The following HECTD4 variants were observed in gnomAD, a reference collection of about 807,000 sequenced individuals.
HECTD4 encodes probable E3 ubiquitin-protein ligase HECTD4.
HECTD4 carries 114 observed loss-of-function variants against 471.5 expected under a neutral mutation model. The observed-to-expected ratio is 0.24, with a 90% CI of 0.21 to 0.28. The LOEUF is 0.28. HECTD4 is among the 10% of genes least tolerant of loss of function. The pLI, the probability that HECTD4 is intolerant of heterozygous loss-of-function variation, is 1.00. For missense variants in HECTD4, 3,866 were observed against 5,651.5 expected, an observed-to-expected ratio of 0.68 and a Z score of 10.13; for synonymous variants, 2,012 against 2,256.0, an observed-to-expected ratio of 0.89 and a Z score of 3.07.
At chr12:112,250,100 T>C (rs531925579) in intron 25 of HECTD4, 44 bp downstream of exon 25, 1 of 1,431,350 alleles carries the variant, frequency 7.0e-7, no homozygotes, top group Admixed American at 1.9e-5. Flanking sequence ...TGTTTAAACT[T>C]TTTTTTCCCA....
intron 70 of HECTD4, among the ~76,000 whole-genome samples, chr12:112,168,126 G>A (rs919517547): frequency 2.0e-5 from 3 of 152,228 alleles, no homozygotes; most frequent in South Asian, 2.1e-4. Context: ...GGGATACCAC[G>A]GAGGGCAAGA....
Position 112,243,674 on chromosome 12 carries a change from G to A in HECTD4, c.4737C>T (p.Tyr1579=), listed in dbSNP as rs1170889862. Residue 1579 remains tyrosine (Y), a synonymous_variant, in exon 31 of 76, where the codon TAC becomes TAT. Coordinates refer to ENST00000682272, the MANE Select transcript of HECTD4 (RefSeq NM_001388303.1). This position sits in a 1 kb window ranked among gnomAD's most constrained non-coding sequence, Gnocchi z 6.6. ...AIEDSRDKPT[Y]SVLLGQLFAF... ...CAAACAGCTGCCCTAGCAGGACACT[G>A]TAGGTGGGCTTGTCCCTGCTGTCCT... 1 of 1,613,570 alleles carries A rather than the reference G, an allele frequency of 6.2e-7. No individual in the cohort carries two copies. Among genetic ancestry groups the A allele is most frequent in the Admixed American group, 1.7e-5 (1 of 59,920 alleles).
intron 53 of HECTD4, 99 bp from the exon 54 acceptor site, chr12:112,203,871 TAATAAAATAA>T (rs921595969): frequency 9.6e-6 from 6 of 622,232 alleles, no homozygotes; most frequent in African/African-American, 3.8e-5. Flanking sequence ...AAACATAAAA[TAATAAAATAA>T]AATAAAATAA....
At chr12:112,171,394 T>A (rs1343920922) in intron 67 of HECTD4, 131 bp from the exon 68 acceptor site, 1 of 1,411,508 alleles carries the variant, frequency 7.1e-7, no homozygotes, top group Non-Finnish European at 9.5e-7. Flanking sequence ...CTGGAGATGC[T>A]GTCAGTGAGT....
At position 112,195,122 on chromosome 12, in the gene HECTD4, C is replaced by T. The variant is rs565961635; in HGVS notation, c.8568-56G>A. ...AAGCCCTGATGCTCCGGCCCCCATA[C>T]CGGGACCAGGCCGCAGGTTCTGAAG... is the stretch of plus-strand genomic sequence containing the variant. On this transcript the variant is annotated intron_variant, in intron 55 of 75. Transcript: ENST00000682272. 35 of 1,475,050 alleles carry T rather than the reference C, an allele frequency of 2.4e-5. 1 individual carries two copies. The East Asian group carries it at 7.9e-4, about 33-fold the overall frequency. The allele number at this position is 1,475,050 out of a possible 1,614,324, so 91.4% of individuals were successfully genotyped here.
At chr12:112,175,899 TGCGCAC>T in intron 65 of HECTD4, 40 bp from the exon 66 acceptor site, 1 of 1,609,332 alleles carries the variant, frequency 6.2e-7, no homozygotes, top group South Asian at 1.1e-5. Flanking sequence ...TGGTGAGACC[TGCGCAC>T]ATCGCGCGCC....
rs747556052 is a variant in HECTD4, at chr12:112,163,058, G to T, written c.13104C>A (p.Pro4368=). Residue 4368 remains proline (P), a synonymous_variant, in exon 75 of 76, where the codon CCC becomes CCA. Transcript: ENST00000682272. The surrounding 1 kb of genome is among the most constrained non-coding windows in gnomAD (Gnocchi z 8.2). ...GGGCGGTACCTGCTGTGCCATCTGG[G>T]GGGGCGATCTTCATGGGGTACGGGG... The part of the protein sequence containing the change: ...HVPPYPMKIA[P]PDGTAGSPDS... 6.2e-7 allele frequency: 1 copy of T among 1,611,778 alleles called. No individual in the cohort carries two copies. The highest frequency in any genetic ancestry group is 1.7e-5 in the Admixed American group (1 of 59,934).
In HECTD4 at chr12:112,382,327, TGCCGCCGCCGCCGCCGCC is replaced by T. The variant is rs558182543; in HGVS notation, c.-217_-200del. ...ACCCCGGCCCGGGAGACCCCGGCCC[TGCCGCCGCCGCCGCCGCC>T]GCCGCCGCCGCCGCCCTCAGGAGCA... On this transcript the variant is annotated 5_prime_UTR_variant, in exon 1 of 76. Transcript: ENST00000682272. 1.5e-4 allele frequency: 54 copies of T among 356,286 alleles called. No individual in the cohort carries two copies. The highest frequency in any genetic ancestry group is 7.3e-4 in the African/African-American group (31 of 42,664). 22.1% of individuals were successfully genotyped at this position (356,286 alleles called of 1,614,324 possible).
chr12:112,234,812 G>T (rs2033462636), intron 37 of HECTD4, among the ~76,000 whole-genome samples: 1 of 152,184 alleles, frequency 6.6e-6, no homozygotes, highest in South Asian at 2.1e-4. Flanking sequence ...CGTCCACATG[G>T]CTTTAGCTCT....
At chr12:112,271,755 A>T (rs896039847) in intron 11 of HECTD4, among the ~76,000 whole-genome samples, 2 of 150,966 alleles carry the variant, frequency 1.3e-5, no homozygotes, top group Admixed American at 6.6e-5. Context: ...TGGAATTTCC[A>T]TTTTTTTTTG....
In HECTD4 at chr12:112,169,488, C is replaced by T. The variant is rs376892729; in HGVS notation, c.12208+15G>A. 2.3e-5 allele frequency: 36 copies of T among 1,598,336 alleles called. No individual in the cohort carries two copies. Among genetic ancestry groups the T allele is most frequent in the South Asian group, 7.8e-5 (7 of 89,442 alleles). On this transcript the variant is annotated intron_variant, in intron 70 of 75. Transcript: ENST00000682272. ...ACAGCTCCTCCAGCGTGGAGCCTGGCGGGCCACCACTTACTGGTGCCATGG... is the reference window on the plus strand; with the variant it reads ...ACAGCTCCTCCAGCGTGGAGCCTGGTGGGCCACCACTTACTGGTGCCATGG...
chr12:112,355,232 C>T (rs1047797308), intron 1 of HECTD4, among the ~76,000 whole-genome samples: 16 of 146,604 alleles, frequency 1.1e-4, no homozygotes, highest in African/African-American at 4.0e-4. Flanking sequence ...GCCTTGGCCT[C>T]TCAGAGTGCT....
In HECTD4 at chr12:112,256,439, CCA is replaced by C; in HGVS notation, c.3206_3207del (p.Val1069GlyfsTer11). 1.2e-6 allele frequency: 2 copies of C among 1,612,546 alleles called. No individual in the cohort carries two copies. The highest frequency in any genetic ancestry group is 1.7e-6 in the Non-Finnish European group (2 of 1,179,194). On this transcript the variant is annotated frameshift_variant, in exon 21 of 76. Coordinates refer to ENST00000682272, the MANE Select transcript of HECTD4 (RefSeq NM_001388303.1). LOFTEE classifies it high-confidence loss of function. Reference sequence around the variant, plus strand: ...TTGTCTCTGACGGGGTGGACTGTTTCCACAGTCTTTCCAGCAGCCCATGGGGC... The same window carrying C: ...TTGTCTCTGACGGGGTGGACTGTTTCCAGTCTTTCCAGCAGCCCATGGGGC... ...IPAPWAAGKTVETVHPVRDNY... is the reference protein window; with the variant it reads ...IPAPWAAGKTXETVHPVRDNY...
rs770127659 is a variant in HECTD4 at position 112,269,787 on chromosome 12, C to T, written c.2238G>A (p.Ser746=). 2.7e-5 allele frequency: 44 copies of T among 1,613,760 alleles called. No individual in the cohort carries two copies. Among genetic ancestry groups the T allele is most frequent in the African/African-American group, 1.1e-4 (8 of 74,926 alleles). ...TERNRDIIRR[S]GLLLWQLLMA... ...TCAACAACTGCCAAAGAAGCAATCC[C>T]GACCGTCGAATGATGTCTCGATTCC... The change falls in exon 13 of 76, where the codon TCG becomes TCA. Residue 746 remains serine (S), a synonymous_variant. Transcript: ENST00000682272.
intron 39 of HECTD4, 87 bp from the exon 40 acceptor site, chr12:112,230,909 A>G (rs138289519): frequency 7.8e-7 from 1 of 1,281,644 alleles, no homozygotes; most frequent in African/African-American, 1.5e-5. Flanking sequence ...ATCAGAGGAA[A>G]ACCTTTTCTT....
At chr12:112,321,953 A>G (rs1175377871) in intron 1 of HECTD4, 1 of 151,988 alleles carries the variant, frequency 6.6e-6, no homozygotes, top group Non-Finnish European at 1.5e-5. Flanking sequence ...AGAAATGGTA[A>G]GCTAGGTGGG....
chr12:112,193,448 A>C lies in HECTD4; in HGVS notation c.8955+21T>G. On this transcript the variant is annotated intron_variant, in intron 57 of 75. Coordinates refer to ENST00000682272, the MANE Select transcript of HECTD4 (RefSeq NM_001388303.1). This position sits in a 1 kb window ranked among gnomAD's most constrained non-coding sequence, Gnocchi z 5.2. ...TAAAAATGGTAACCACACTGCAGGA[A>C]CATGAGCTTTAGACTTCTACCTGCA... The C allele has an allele frequency of 6.3e-7, 1 of 1,592,534 alleles. No individual in the cohort carries two copies. The highest frequency in any genetic ancestry group is 8.6e-7 in the Non-Finnish European group (1 of 1,168,374).
Position 112,328,677 on chromosome 12 carries a change from G to C in HECTD4, c.178-8935C>G, listed in dbSNP as rs533787929. ...CTTACTAAAGCCCAAATCCAGGGTG[G>C]ATCACTTATCAATTAAATTAGACCC... On this transcript the variant is annotated intron_variant, in intron 1 of 75. Coordinates refer to ENST00000682272, the MANE Select transcript of HECTD4 (RefSeq NM_001388303.1). 2.6e-5 allele frequency among the ~76,000 whole-genome samples: 4 copies of C among 152,280 alleles called. No homozygotes were observed. The East Asian group carries it at 7.7e-4, about 29-fold the overall frequency.
rs2033467336 is a variant in HECTD4 at position 112,235,023 on chromosome 12, C to T, written c.5915+54G>A. ...GTACAGGGCTTACTTAGCACAGTGC[C>T]TGTGACATGGGTGGTGCTTGAGGAT... is the stretch of plus-strand genomic sequence containing the variant. On this transcript the variant is annotated intron_variant, in intron 37 of 75. Transcript: ENST00000682272. This position sits in a 1 kb window ranked among gnomAD's most constrained non-coding sequence, Gnocchi z 5.0. The T allele has an allele frequency of 1.8e-5, 27 of 1,502,238 alleles. No individual in the cohort carries two copies. The highest frequency in any genetic ancestry group is 2.4e-5 in the Non-Finnish European group (27 of 1,110,562). 93.1% of individuals were successfully genotyped at this position (1,502,238 alleles called of 1,614,324 possible).
Sources: gnomAD v4.1 joint callset for allele counts (sites outside exome capture counted in the v4.1 genomes callset) on GRCh38, gnomAD v4.1.1 for gene constraint, Gnocchi (gnomAD v3.1) non-coding constraint, MANE v1.5 for transcripts, NCBI Gene and HGNC (gene_info 2026-07-23, HGNC 2026-07-21) for gene names.